MRPL54: variants seen among roughly 807,000 people sequenced by gnomAD.
MRPL54 encodes mitochondrial ribosomal protein L54, also known as large ribosomal subunit protein mL54.
A neutral mutation model predicts 15.6 loss-of-function variants in MRPL54; 12 were observed. That is an observed-to-expected ratio of 0.77 (90% confidence interval 0.49 to 1.24). MRPL54 has a LOEUF of 1.24. MRPL54 is among the 50% of genes most tolerant of loss of function. The pLI, the probability that MRPL54 is intolerant of heterozygous loss-of-function variation, is 0.00. For synonymous variants in MRPL54, 91 were observed against 75.7 expected, an observed-to-expected ratio of 1.20 and a Z score of -1.05; for missense variants, 178 against 186.8, an observed-to-expected ratio of 0.95 and a Z score of 0.28.
In MRPL54 at chr19:3,767,511, GT is replaced by G; in HGVS notation, c.*119del. Reference sequence around the variant, plus strand: ...GCCTGGGTTTCCATGTGACCCCACAGTGGGGCTGGACCAGGGCCCTGGAGGC... The same window carrying G: ...GCCTGGGTTTCCATGTGACCCCACAGGGGGCTGGACCAGGGCCCTGGAGGC... On this transcript the variant is annotated 3_prime_UTR_variant, in exon 3 of 3. Coordinates refer to ENST00000330133, the MANE Select transcript of MRPL54 (RefSeq NM_172251.3). 1.4e-6 allele frequency: 2 copies of G among 1,421,288 alleles called. No homozygotes were observed. The highest frequency in any genetic ancestry group is 1.9e-6 in the Non-Finnish European group (2 of 1,055,098). 88.0% of individuals were successfully genotyped at this position (1,421,288 alleles called of 1,614,324 possible).
Position 3,765,214 on chromosome 19 carries a change from T to C in MRPL54, c.167T>C (p.Leu56Pro). 5 of 1,613,586 alleles carry C rather than the reference T, an allele frequency of 3.1e-6. No homozygotes were observed. Among genetic ancestry groups the C allele is most frequent in the Non-Finnish European group, 4.2e-6 (5 of 1,179,834 alleles). ...AAAGGTGCAGTGACCAGCGAGGCCCTCAAGGACCCCGACGTATGCACAGAT... is the reference window on the plus strand; with the variant it reads ...AAAGGTGCAGTGACCAGCGAGGCCCCCAAGGACCCCGACGTATGCACAGAT... ...SGKGAVTSEA[L>P]KDPDVCTDPV... The change falls in exon 2 of 3, where the codon CTC becomes CCC. Residue 56 changes from leucine to proline, a missense_variant. Transcript: ENST00000330133.
At position 3,765,251 on chromosome 19, in the gene MRPL54, C is replaced by A. The variant is rs2037188044; in HGVS notation, c.204C>A (p.Leu68=). Residue 68 remains leucine (L), a synonymous_variant, in exon 2 of 3, where the codon CTC becomes CTA. Transcript: ENST00000330133. ...DPDVCTDPVQ[L]TTYAMGVNIY... ...ACGTATGCACAGATCCTGTCCAGCTCACCACATATGCCATGGGCGTCAACA... is the reference window on the plus strand; with the variant it reads ...ACGTATGCACAGATCCTGTCCAGCTAACCACATATGCCATGGGCGTCAACA... 6.2e-7 allele frequency: 1 copy of A among 1,613,994 alleles called. No individual in the cohort carries two copies. Among genetic ancestry groups the A allele is most frequent in the East Asian group, 2.2e-5 (1 of 44,858 alleles).
chr19:3,767,233 C>T, intron 2 of MRPL54, 28 bp from the exon 3 acceptor site: 3 of 1,604,452 alleles, frequency 1.9e-6, no homozygotes, highest in Non-Finnish European at 2.5e-6. Context: ...CACCGTGTAG[C>T]TCTGATTCCT....
At chr19:3,762,846 G>C in intron 1 of MRPL54, 28 bp downstream of exon 1, 1 of 1,507,618 alleles carries the variant, frequency 6.6e-7, no homozygotes, top group Admixed American at 2.0e-5. Flanking sequence ...GAACCAAATG[G>C]GGACGGTGGG....
chr19:3,767,221 G>GTCACC, intron 2 of MRPL54, 40 bp from the exon 3 acceptor site: 1 of 1,589,886 alleles, frequency 6.3e-7, no homozygotes, highest in Non-Finnish European at 8.5e-7. Flanking sequence ...GAGCCCAGGG[G>GTCACC]TCACCGTGTA....
chr19:3,765,957 T>C (rs1443835922), intron 2 of MRPL54, among the ~76,000 whole-genome samples: 1 of 150,724 alleles, frequency 6.6e-6, no homozygotes, highest in East Asian at 2.0e-4. Flanking sequence ...TGTCACCCAG[T>C]GTGGAATGCA....
rs1482682889 is a variant in MRPL54, at chr19:3,765,237, G to C, written c.190G>C (p.Asp64His). ...EALKDPDVCTDPVQLTTYAMG... is the reference protein window; with the variant it reads ...EALKDPDVCTHPVQLTTYAMG... ...CCTCAAGGACCCCGACGTATGCACA[G>C]ATCCTGTCCAGCTCACCACATATGC... The change falls in exon 2 of 3, where the codon GAT (aspartate) becomes CAT (histidine). Residue 64 changes from aspartate (D) to histidine (H), a missense_variant. Physicochemically the swap from Asp to His is moderately conservative, Grantham distance 81. Coordinates refer to ENST00000330133, the MANE Select transcript of MRPL54 (RefSeq NM_172251.3). 6.2e-7 allele frequency: 1 copy of C among 1,613,904 alleles called. No individual in the cohort carries two copies. Among genetic ancestry groups the C allele is most frequent in the Non-Finnish European group, 8.5e-7 (1 of 1,179,986 alleles).
intron 2 of MRPL54, among the ~76,000 whole-genome samples, chr19:3,766,504 G>A (rs1005286816): frequency 1.3e-5 from 2 of 152,202 alleles, no homozygotes; most frequent in South Asian, 4.1e-4. Flanking sequence ...GTGAGCCGCC[G>A]CACCCGTCCT....
chr19:3,765,407 C>A, intron 2 of MRPL54, 76 bp downstream of exon 2: 1 of 1,524,648 alleles, frequency 6.6e-7, no homozygotes, highest in Non-Finnish European at 9.0e-7. Flanking sequence ...CCCGGAGAGG[C>A]GGATCGCCAC....
intron 1 of MRPL54, among the ~76,000 whole-genome samples, chr19:3,764,096 C>T (rs1235326440): frequency 6.6e-6 from 1 of 150,936 alleles, no homozygotes; most frequent in Non-Finnish European, 1.5e-5. Context: ...TTTTTATTTT[C>T]TTCAGACGGA....
chr19:3,764,869 A>C (rs549313773), intron 1 of MRPL54, among the ~76,000 whole-genome samples: 1,960 of 151,918 alleles, frequency 0.013, 13 homozygotes, highest in Non-Finnish European at 0.018. Flanking sequence ...TCTACTAAAA[A>C]TACAAAAAAT....
At position 3,765,184 on chromosome 19, in the gene MRPL54, C is replaced by T. The variant is rs199762807; in HGVS notation, c.137C>T (p.Ser46Leu). The change falls in exon 2 of 3, where the codon TCG (serine) becomes TTG (leucine). Residue 46 changes from serine (S) to leucine (L), a missense_variant. Physicochemically the swap from Ser to Leu is moderately radical, Grantham distance 145. Transcript: ENST00000330133. ...TCCCCAGTTATGAAGGGGGCCAAAT[C>T]GGGAAAAGGTGCAGTGACCAGCGAG... ...AKKPVMKGAK[S>L]GKGAVTSEAL... 27 of 1,611,862 alleles carry T rather than the reference C, an allele frequency of 1.7e-5. No homozygotes were observed. The highest frequency in any genetic ancestry group is 5.5e-5 in the South Asian group (5 of 90,902).
intron 1 of MRPL54, 70 bp from the exon 2 acceptor site, chr19:3,765,096 G>A (rs2037186216): frequency 6.6e-7 from 1 of 1,516,506 alleles, no homozygotes; most frequent in Non-Finnish European, 8.9e-7. Context: ...CTGAGACAGG[G>A]TTCTGTGAGA....
chr19:3,765,352 C>T (rs768774556), intron 2 of MRPL54, 21 bp downstream of exon 2: 2 of 1,611,218 alleles, frequency 1.2e-6, no homozygotes, highest in African/African-American at 1.3e-5. Flanking sequence ...CAGGCTGTGT[C>T]ATCCTGCAAT....
In MRPL54 at chr19:3,767,314, A is replaced by G; in HGVS notation, c.338A>G (p.Glu113Gly). 6 of 1,612,248 alleles carry G rather than the reference A, an allele frequency of 3.7e-6. No individual in the cohort carries two copies. The highest frequency in any genetic ancestry group is 5.1e-6 in the Non-Finnish European group (6 of 1,179,352). ...AAGACCCTGGAGGAGCTGGACCCCG[A>G]GAGCCGGGAGTACTGGCGGCGGCTG... is the stretch of plus-strand genomic sequence containing the variant. ...PPKTLEELDPESREYWRRLRK... is the reference protein window; with the variant it reads ...PPKTLEELDPGSREYWRRLRK... The change falls in exon 3 of 3, where the codon GAG becomes GGG. Residue 113 changes from glutamate (E) to glycine (G), a missense_variant. Coordinates refer to ENST00000330133, the MANE Select transcript of MRPL54 (RefSeq NM_172251.3).
chr19:3,764,700 G>A (rs1052521219), intron 1 of MRPL54, among the ~76,000 whole-genome samples: 1 of 150,884 alleles, frequency 6.6e-6, no homozygotes, highest in African/African-American at 2.4e-5. Context: ...ACAGGCATGA[G>A]CCACTATGCC....
chr19:3,762,945 G>C (rs192373933), intron 1 of MRPL54, 127 bp downstream of exon 1: 20 of 779,604 alleles, frequency 2.6e-5, no homozygotes, highest in Middle Eastern at 2.5e-4. Flanking sequence ...ATGCCAGGCT[G>C]TATGCGCAGG....
At chr19:3,764,354 A>C (rs944391669) in intron 1 of MRPL54, among the ~76,000 whole-genome samples, 1 of 151,990 alleles carries the variant, frequency 6.6e-6, no homozygotes, top group African/African-American at 2.4e-5. Context: ...AAGAGCTGGG[A>C]TTACAGGCGT....
intron 2 of MRPL54, 55 bp from the exon 3 acceptor site, chr19:3,767,206 C>T: frequency 4.5e-6 from 7 of 1,562,086 alleles, no homozygotes; most frequent in Non-Finnish European, 6.0e-6. Context: ...GCCCGGGACA[C>T]CAGGGAGCCC....
Sources: allele counts gnomAD v4.1 joint callset (sites outside exome capture counted in the v4.1 genomes callset), GRCh38; gene constraint gnomAD v4.1.1; transcripts MANE v1.5; gene names NCBI Gene and HGNC (gene_info 2026-07-23, HGNC 2026-07-21).